Variants in CNOT10 observed in about 807,000 individuals in gnomAD.
CNOT10 encodes the protein CCR4-NOT transcription complex, subunit 10.
A neutral mutation model predicts 94.6 loss-of-function variants in CNOT10; 30 were observed. The observed-to-expected ratio is 0.32, with a 90% CI of 0.24 to 0.43. The LOEUF is 0.43. Ranked by LOEUF, CNOT10 falls within the 20% of genes least tolerant of loss-of-function variation. The probability of loss-of-function intolerance (pLI) is 1.00; values close to 1 mark genes in which losing one functional copy is unlikely to be tolerated. For missense variants in CNOT10, 759 were observed against 877.2 expected (o/e 0.87, Z 1.70); for synonymous variants, 289 against 301.6 (o/e 0.96, Z 0.43).
chr3:32,720,837 C>G (rs1380315982), intron 8 of CNOT10, among the ~76,000 whole-genome samples: 2 of 142,542 alleles, frequency 1.4e-5, no homozygotes, highest in South Asian at 2.4e-4. Flanking sequence ...CCCTCCCTCC[C>G]TTCCTCCCTT....
intron 13 of CNOT10, chr3:32,753,925 C>A: frequency 9.3e-7 from 1 of 1,074,034 alleles, no homozygotes; most frequent in South Asian, 1.4e-5. Context: ...CTCTCACACA[C>A]ACACACACAC....
At chr3:32,694,058 T>C (rs1432878213) in intron 1 of CNOT10, among the ~76,000 whole-genome samples, 4 of 152,102 alleles carry the variant, frequency 2.6e-5, no homozygotes, top group Admixed American at 6.6e-5. Context: ...ATTTTGTCTT[T>C]TTAAGTCTAG....
intron 10 of CNOT10, among the ~76,000 whole-genome samples, chr3:32,729,017 A>C (rs1698815929): frequency 6.6e-6 from 1 of 151,946 alleles, no homozygotes; most frequent in African/African-American, 2.4e-5. Flanking sequence ...AATGACGTGA[A>C]CCCAGGAGGC....
At chr3:32,699,995 A>C (rs1240220383) in intron 1 of CNOT10, among the ~76,000 whole-genome samples, 1 of 108,528 alleles carries the variant, frequency 9.2e-6, no homozygotes, top group Non-Finnish European at 1.8e-5. Context: ...TTTTTTTTTG[A>C]GATGAAGTCT....
chr3:32,699,721 C>T (rs7433596), intron 1 of CNOT10, among the ~76,000 whole-genome samples: 150,114 of 152,206 alleles, frequency 0.99, 74,066 homozygotes, highest in East Asian at 1. Context: ...GGGAGCATTC[C>T]ACTAGCTCTA....
intron 13 of CNOT10, among the ~76,000 whole-genome samples, chr3:32,754,698 T>G (rs537131789): frequency 1.4e-5 from 2 of 147,478 alleles, no homozygotes; most frequent in Admixed American, 6.8e-5. Context: ...ATTTTTGTAT[T>G]TTTGGTAGAG....
chr3:32,764,897 CTGATCAGT>C, intron 17 of CNOT10, 88 bp downstream of exon 17: 1 of 1,563,750 alleles, frequency 6.4e-7, no homozygotes, highest in Non-Finnish European at 8.7e-7. Context: ...TTTGAAGCAT[CTGATCAGT>C]TTGTTAAATA....
At chr3:32,685,734 T>C (rs1032276247) in intron 1 of CNOT10, among the ~76,000 whole-genome samples, 1 of 152,132 alleles carries the variant, frequency 6.6e-6, no homozygotes, top group Admixed American at 6.5e-5. Context: ...TCAGAATAAC[T>C]CCGGCCCAAA....
At chr3:32,730,912 G>A (rs1000294550) in intron 10 of CNOT10, 4 of 152,050 alleles carry the variant, frequency 2.6e-5, no homozygotes, top group African/African-American at 7.2e-5. Flanking sequence ...AACTTATCTG[G>A]CACACTTTCT....
chr3:32,751,110 A>AT (rs955532108), intron 13 of CNOT10, among the ~76,000 whole-genome samples: 6 of 148,710 alleles, frequency 4.0e-5, no homozygotes, highest in South Asian at 4.2e-4. Context: ...TGAAAAAAAA[A>AT]TTTTTTTTGA....
At chr3:32,692,797 G>C (rs1317195181) in intron 1 of CNOT10, among the ~76,000 whole-genome samples, 2 of 152,174 alleles carry the variant, frequency 1.3e-5, no homozygotes, top group African/African-American at 4.8e-5. Flanking sequence ...TGTAATCCCA[G>C]CACTTTGGGA....
At chr3:32,689,859 A>G (rs1031606580) in intron 1 of CNOT10, among the ~76,000 whole-genome samples, 2 of 152,092 alleles carry the variant, frequency 1.3e-5, no homozygotes, top group Admixed American at 1.3e-4. Flanking sequence ...AGAGTCTGAG[A>G]TGAGAGGATG....
rs1353020527 is a variant in CNOT10 at position 32,764,832 on chromosome 3, T to C, written c.2004+23T>C. On this transcript the variant is annotated intron_variant, in intron 17 of 18. Transcript: ENST00000328834. ...CAGGTGAGTCCAGAGTGGGAGGAAC[T>C]GAACCTTGTAAAGCAGCCAACACAA... The C allele has an allele frequency of 6.8e-6, 11 of 1,610,688 alleles. No homozygotes were observed. The East Asian group carries it at 2.5e-4, about 36-fold the overall frequency.
At position 32,685,495 on chromosome 3, in the gene CNOT10, T is replaced by C. The variant is rs1483606983; in HGVS notation, c.22+13T>C. 26 of 1,549,962 alleles carry C rather than the reference T, an allele frequency of 1.7e-5. No homozygotes were observed. Among genetic ancestry groups the C allele is most frequent in the South Asian group, 3.6e-5 (3 of 84,028 alleles). On this transcript the variant is annotated intron_variant, in intron 1 of 18. Coordinates refer to ENST00000328834, the MANE Select transcript of CNOT10 (RefSeq NM_015442.3). ...GACAAGCCTGCAGGTAGGGCGCCAA[T>C]GTCCCGAGCGACGAGACGGCGGGAC...
chr3:32,767,651 T>A (rs1700709875), intron 17 of CNOT10, among the ~76,000 whole-genome samples: 1 of 152,000 alleles, frequency 6.6e-6, no homozygotes, highest in South Asian at 2.1e-4. Flanking sequence ...GTCAACTTAG[T>A]GGCATCTGGT....
rs188189371 is a variant in CNOT10, at chr3:32,712,550, A to G, written c.431-677A>G. 2.9e-4 allele frequency among the ~76,000 whole-genome samples: 44 copies of G among 152,268 alleles called. 1 individual carries two copies. Among genetic ancestry groups the G allele is most frequent in the Admixed American group, 1.4e-3 (21 of 15,290 alleles). On this transcript the variant is annotated intron_variant, in intron 4 of 18. Transcript: ENST00000328834. ...ATTTGAGCATCATTGGTGCTCAACA[A>G]GTTTTGGATTTTGAGGCTGGACACA...
chr3:32,710,743 T>C (rs941955521), intron 4 of CNOT10, among the ~76,000 whole-genome samples: 1 of 152,106 alleles, frequency 6.6e-6, no homozygotes, highest in African/African-American at 2.4e-5. Context: ...CTTTTTGAGA[T>C]GGGGTCTCTT....
At chr3:32,730,806 G>A (rs1698907900) in intron 10 of CNOT10, 1 of 152,124 alleles carries the variant, frequency 6.6e-6, no homozygotes, top group South Asian at 2.1e-4. Context: ...CAGAGGCAAG[G>A]CTTATATTTA....
Position 32,725,577 on chromosome 3 carries a change from C to T in CNOT10, c.990C>T (p.Leu330=), listed in dbSNP as rs762613815. 3 of 1,613,942 alleles carry T rather than the reference C, an allele frequency of 1.9e-6. No individual in the cohort carries two copies. The highest frequency in any genetic ancestry group is 8.5e-7 in the Non-Finnish European group (1 of 1,179,906). The change falls in exon 9 of 19, where the codon CTC becomes CTT. Residue 330 remains leucine, a synonymous_variant. Transcript: ENST00000328834. The part of the protein sequence containing the change: ...LQENDNVCAQ[L]SAGSTDPGKK... ...AGAATGACAATGTCTGTGCACAGCT[C>T]AGTGCAGGTAGCACTGATCCAGGTA...
Sources: allele counts gnomAD v4.1 joint callset (sites outside exome capture counted in the v4.1 genomes callset), GRCh38; gene constraint gnomAD v4.1.1; transcripts MANE v1.5; gene names NCBI Gene and HGNC (gene_info 2026-07-23, HGNC 2026-07-21).